The following KCNQ1 variants were observed in gnomAD, a reference collection of about 807,000 sequenced individuals.
The protein encoded by KCNQ1 is potassium voltage-gated channel subfamily Q member 1, also known as potassium voltage-gated channel subfamily KQT member 1.
Under a neutral mutation model 72.4 loss-of-function variants are expected in KCNQ1, and 49 were observed. The ratio of observed to expected loss-of-function variants is 0.68; its 90% CI spans 0.54 to 0.86. KCNQ1 has a LOEUF of 0.86. KCNQ1 is among the 40% of genes least tolerant of loss of function. KCNQ1 has a pLI of 0.00. For synonymous variants in KCNQ1, 450 were observed against 412.6 expected (o/e 1.09, Z -1.10); for missense variants, 790 against 945.1 (o/e 0.84, Z 2.15).
chr11:2,763,778 T>G (rs560996041), intron 11 of KCNQ1, among the ~76,000 whole-genome samples: 91 of 151,974 alleles, frequency 6.0e-4, no homozygotes, highest in Admixed American at 1.4e-3. Flanking sequence ...CCCAGGCTGA[T>G]CTCAAACTCC....
At chr11:2,530,143 C>G (rs936770461) in intron 2 of KCNQ1, among the ~76,000 whole-genome samples, 5 of 152,146 alleles carry the variant, frequency 3.3e-5, no homozygotes, top group African/African-American at 9.7e-5. Context: ...GTCCTTCCCC[C>G]ACAGGGCGAT....
intron 10 of KCNQ1, among the ~76,000 whole-genome samples, chr11:2,596,541 C>T (rs1848735239): frequency 6.7e-6 from 1 of 149,442 alleles, no homozygotes; most frequent in African/African-American, 2.5e-5. Flanking sequence ...GATATGCCTA[C>T]AATATGGATA....
In KCNQ1 at chr11:2,763,635, G is replaced by T. The variant is rs370880251; in HGVS notation, c.1515-5209G>T. On this transcript the variant is annotated intron_variant, in intron 11 of 15. Transcript: ENST00000155840. ...CTGCATTCCAGGCTCAGAGCTTACA[G>T]CAGCCTTGAGCTCCTGGGCTCAAGC... Among the ~76,000 whole-genome samples the T allele has an allele frequency of 2.2e-4, 34 of 152,294 alleles. 1 individual carries two copies. Among genetic ancestry groups the T allele is most frequent in the African/African-American group, 7.9e-4 (33 of 41,556 alleles).
intron 1 of KCNQ1, among the ~76,000 whole-genome samples, chr11:2,511,424 A>G (rs1159932937): frequency 6.6e-6 from 1 of 152,092 alleles, no homozygotes; most frequent in Non-Finnish European, 1.5e-5. Flanking sequence ...GCAGCCCTTC[A>G]GGGTCAGTCT....
intron 10 of KCNQ1, among the ~76,000 whole-genome samples, chr11:2,589,176 C>G (rs1300926469): frequency 6.6e-6 from 1 of 152,210 alleles, no homozygotes; most frequent in Non-Finnish European, 1.5e-5. Flanking sequence ...CCAGCCGAGC[C>G]CACGGGCTCT....
Position 2,624,805 on chromosome 11 carries a change from T to C in KCNQ1, c.1393+35951T>C. 2.5e-6 allele frequency: 1 copy of C among 398,616 alleles called. No individual in the cohort carries two copies. Among genetic ancestry groups the C allele is most frequent in the Non-Finnish European group, 4.4e-6 (1 of 226,060 alleles). The allele number at this position is 398,616 out of a possible 1,614,324, so 24.7% of individuals were successfully genotyped here. Reference sequence around the variant, plus strand: ...CTTTCTATGTCTCTGATTTGACTATTCTACATACCTCATATAAGTGGAAAC... The same window carrying C: ...CTTTCTATGTCTCTGATTTGACTATCCTACATACCTCATATAAGTGGAAAC... On this transcript the variant is annotated intron_variant, in intron 10 of 15. Transcript: ENST00000155840. This position sits in a 1 kb window ranked among gnomAD's most constrained non-coding sequence, Gnocchi z 4.9.
Position 2,777,958 on chromosome 11 carries a change from G to T in KCNQ1, c.1733-18G>T. 1 of 1,613,540 alleles carries T rather than the reference G, an allele frequency of 6.2e-7. No homozygotes were observed. Among genetic ancestry groups the T allele is most frequent in the Non-Finnish European group, 8.5e-7 (1 of 1,179,850 alleles). Reference sequence around the variant, plus strand: ...ACCCCAGCACTTGGCCCTGATTTGGGTGTTTTATCCCCCATAGAAAAGAGC... The same window carrying T: ...ACCCCAGCACTTGGCCCTGATTTGGTTGTTTTATCCCCCATAGAAAAGAGC... On this transcript the variant is annotated intron_variant, in intron 14 of 15. Transcript: ENST00000155840.
Position 2,750,985 on chromosome 11 carries a change from A to G in KCNQ1, c.1515-17859A>G, listed in dbSNP as rs1342747825. Among the ~76,000 whole-genome samples, 1 of 152,098 alleles carries G rather than the reference A, an allele frequency of 6.6e-6. No homozygotes were observed. Among genetic ancestry groups the G allele is most frequent in the East Asian group, 1.9e-4 (1 of 5,178 alleles). ...GTGCACCCACCCAGCCCCTCCTGGGAAAAAGCCAGGACAAAGATGTATTTC... is the reference window on the plus strand; with the variant it reads ...GTGCACCCACCCAGCCCCTCCTGGGGAAAAGCCAGGACAAAGATGTATTTC... On this transcript the variant is annotated intron_variant, in intron 11 of 15. Coordinates refer to ENST00000155840, the MANE Select transcript of KCNQ1 (RefSeq NM_000218.3). The surrounding 1 kb of genome is among the most constrained non-coding windows in gnomAD (Gnocchi z 6.3).
intron 11 of KCNQ1, chr11:2,667,356 G>C: frequency 2.5e-6 from 1 of 398,764 alleles, no homozygotes; most frequent in Non-Finnish European, 4.4e-6. Context: ...CTCTGCAAGG[G>C]AAAGGCCATC....
chr11:2,812,611 C>G lies in KCNQ1; in HGVS notation c.1794+34574C>G, dbSNP rs1410548373. Among the ~76,000 whole-genome samples the G allele has an allele frequency of 2.6e-5, 4 of 152,340 alleles. No individual in the cohort carries two copies. In the South Asian group the frequency reaches 8.3e-4, roughly 32 times the overall value. ...AGGGGCTCCCGGCTTTCTCTCTCCC[C>G]CTACATTCCTGTCTCCATGCAGCAG... On this transcript the variant is annotated intron_variant, in intron 15 of 15. Coordinates refer to ENST00000155840, the MANE Select transcript of KCNQ1 (RefSeq NM_000218.3).
At chr11:2,755,468 G>A (rs963381701) in intron 11 of KCNQ1, among the ~76,000 whole-genome samples, 1 of 152,152 alleles carries the variant, frequency 6.6e-6, no homozygotes, top group East Asian at 1.9e-4. Context: ...GCCTAAACTG[G>A]TCTTGAACTC....
Position 2,656,091 on chromosome 11 carries a change from G to T in KCNQ1, c.1394-5870G>T, listed in dbSNP as rs560125107. 101 of 398,658 alleles carry T rather than the reference G, an allele frequency of 2.5e-4. No homozygotes were observed. Among genetic ancestry groups the T allele is most frequent in the African/African-American group, 1.9e-3 (94 of 48,760 alleles). 24.7% of individuals were successfully genotyped at this position (398,658 alleles called of 1,614,324 possible). On this transcript the variant is annotated intron_variant, in intron 10 of 15. Transcript: ENST00000155840. ...TGGAGATGGGCACTTGTCATCATGG[G>T]TGTTTGGAAAGCAACTCTACGTTCT...
Position 2,494,989 on chromosome 11 carries a change from G to A in KCNQ1, c.387-32939G>A, listed in dbSNP as rs1003046691. On this transcript the variant is annotated intron_variant, in intron 1 of 15. Coordinates refer to ENST00000155840, the MANE Select transcript of KCNQ1 (RefSeq NM_000218.3). The surrounding 1 kb of genome is among the most constrained non-coding windows in gnomAD (Gnocchi z 4.6). ...GGTCCTGGGCTTTTTTTGGTTGGCA[G>A]GCTATTAATTACTGCCTCAATTTCA... is the stretch of plus-strand genomic sequence containing the variant. 2.0e-5 allele frequency among the ~76,000 whole-genome samples: 3 copies of A among 152,124 alleles called. No homozygotes were observed. The highest frequency in any genetic ancestry group is 4.8e-5 in the African/African-American group (2 of 41,432).
At chr11:2,701,542 A>T (rs1365493379) in intron 11 of KCNQ1, among the ~76,000 whole-genome samples, 1 of 152,154 alleles carries the variant, frequency 6.6e-6, no homozygotes, top group Admixed American at 6.5e-5. Context: ...TGCACCCCAG[A>T]CTCAGGGTTT....
chr11:2,453,297 C>T (rs925081251), intron 1 of KCNQ1, among the ~76,000 whole-genome samples: 2 of 152,026 alleles, frequency 1.3e-5, no homozygotes, highest in African/African-American at 4.8e-5. Context: ...CACTTGAACC[C>T]GGGAGGTGGA....
At chr11:2,680,421 A>G (rs1375356672) in intron 11 of KCNQ1, 3 of 398,028 alleles carry the variant, frequency 7.5e-6, no homozygotes, top group Non-Finnish European at 1.3e-5. Context: ...CTTTGTATGG[A>G]TTTTGGACAT....
In KCNQ1 at chr11:2,670,904, T is replaced by G. The variant is rs550373276; in HGVS notation, c.1514+8823T>G. On this transcript the variant is annotated intron_variant, in intron 11 of 15. Coordinates refer to ENST00000155840, the MANE Select transcript of KCNQ1 (RefSeq NM_000218.3). This position sits in a 1 kb window ranked among gnomAD's most constrained non-coding sequence, Gnocchi z 4.9. ...GCCTCCTGGATTGCCTGGACAAGGC[T>G]GACCTGCCCTCCCAGGATGCAAATT... is the stretch of plus-strand genomic sequence containing the variant. 1.2e-4 allele frequency: 47 copies of G among 398,650 alleles called. No individual in the cohort carries two copies. The highest frequency in any genetic ancestry group is 9.6e-4 in the African/African-American group (47 of 48,766). The allele number at this position is 398,650 out of a possible 1,614,324, so 24.7% of individuals were successfully genotyped here.
Position 2,469,774 on chromosome 11 carries a change from T to C in KCNQ1, c.386+24290T>C, listed in dbSNP as rs1002838898. 7.9e-5 allele frequency among the ~76,000 whole-genome samples: 12 copies of C among 151,176 alleles called. 1 individual carries two copies. Among genetic ancestry groups the C allele is most frequent in the Non-Finnish European group, 1.2e-4 (8 of 67,686 alleles). On this transcript the variant is annotated intron_variant, in intron 1 of 15. Coordinates refer to ENST00000155840, the MANE Select transcript of KCNQ1 (RefSeq NM_000218.3). ...CTGCAAGCTCCGCCTTCCGGGTTCA[T>C]GCCATTCTCCTGCCTCAGCCTCCCG...
chr11:2,644,325 G>C, intron 10 of KCNQ1: 1 of 398,154 alleles, frequency 2.5e-6, no homozygotes, highest in Admixed American at 4.4e-5. Flanking sequence ...TTATCTTCAA[G>C]GTGTGAAATT....
Sources: gnomAD v4.1 joint callset for allele counts (sites outside exome capture counted in the v4.1 genomes callset) on GRCh38, gnomAD v4.1.1 for gene constraint, Gnocchi (gnomAD v3.1) non-coding constraint, MANE v1.5 for transcripts, NCBI Gene and HGNC (gene_info 2026-07-23, HGNC 2026-07-21) for gene names.